The following PLEKHM2 variants were observed in gnomAD, a reference collection of about 807,000 sequenced individuals.
PLEKHM2 encodes pleckstrin homology and RUN domain containing M2.
PLEKHM2 carries 77 observed loss-of-function variants against 116.3 expected under a neutral mutation model. That is an observed-to-expected ratio of 0.66 (90% confidence interval 0.55 to 0.80). PLEKHM2 has a LOEUF of 0.80. PLEKHM2 is among the 30% of genes least tolerant of loss of function. The probability of loss-of-function intolerance (pLI) is 0.00; values close to 1 mark genes in which losing one functional copy is unlikely to be tolerated. For missense variants in PLEKHM2, 1,183 were observed against 1,354.9 expected, an observed-to-expected ratio of 0.87 and a Z score of 1.99; for synonymous variants, 562 against 571.0, an observed-to-expected ratio of 0.98 and a Z score of 0.22.
At chr1:15,708,186 G>A (rs762357684) in intron 1 of PLEKHM2, among the ~76,000 whole-genome samples, 5 of 150,922 alleles carry the variant, frequency 3.3e-5, no homozygotes, top group Non-Finnish European at 7.4e-5. Flanking sequence ...CACCTGGCCA[G>A]TTCTCATGAT....
chr1:15,728,185 C>T lies in PLEKHM2; in HGVS notation c.1830+37C>T. 1 of 1,605,242 alleles carries T rather than the reference C, an allele frequency of 6.2e-7. No homozygotes were observed. The highest frequency in any genetic ancestry group is 1.1e-5 in the South Asian group (1 of 90,506). Reference sequence around the variant, plus strand: ...GAACTCAGGAGTGAGCAAGAGACGGCAAGGGCAAGGCGGGATGGGCCACCG... The same window carrying T: ...GAACTCAGGAGTGAGCAAGAGACGGTAAGGGCAAGGCGGGATGGGCCACCG... On this transcript the variant is annotated intron_variant, in intron 10 of 19. Transcript: ENST00000375799. This position sits in a 1 kb window ranked among gnomAD's most constrained non-coding sequence, Gnocchi z 5.9.
rs888696415 is a variant in PLEKHM2, at chr1:15,728,806, C to T, written c.1986+73C>T. The T allele has an allele frequency of 7.4e-7, 1 of 1,358,600 alleles. No homozygotes were observed. The highest frequency in any genetic ancestry group is 2.0e-5 in the Admixed American group (1 of 50,908). The allele number at this position is 1,358,600 out of a possible 1,614,324, so 84.2% of individuals were successfully genotyped here. A position where few individuals can be genotyped will look rare whatever the true frequency, so the allele number is the denominator to read the frequency against. Reference sequence around the variant, plus strand: ...CTCAAGCCACTTACCCATAGAACTGCAGGGCGAGGCACGGCCCCTTACTCC... The same window carrying T: ...CTCAAGCCACTTACCCATAGAACTGTAGGGCGAGGCACGGCCCCTTACTCC... On this transcript the variant is annotated intron_variant, in intron 12 of 19. Coordinates refer to ENST00000375799, the MANE Select transcript of PLEKHM2 (RefSeq NM_015164.4). The surrounding 1 kb of genome is among the most constrained non-coding windows in gnomAD (Gnocchi z 5.9).
In PLEKHM2 at chr1:15,732,745, GA is replaced by G. The variant is rs1210781513; in HGVS notation, c.2922+20del. On this transcript the variant is annotated intron_variant, in intron 19 of 19. Coordinates refer to ENST00000375799, the MANE Select transcript of PLEKHM2 (RefSeq NM_015164.4). ...ATCTATCAGGTACCCAGCTGCCCAGGAAACCCATTAGCCAGGGACCCTGTGG... is the reference window on the plus strand; with the variant it reads ...ATCTATCAGGTACCCAGCTGCCCAGGAACCCATTAGCCAGGGACCCTGTGG... 6.5e-7 allele frequency: 1 copy of G among 1,544,126 alleles called. No individual in the cohort carries two copies. Among genetic ancestry groups the G allele is most frequent in the East Asian group, 2.3e-5 (1 of 43,572 alleles).
At chr1:15,692,583 C>T (rs1640909804) in intron 1 of PLEKHM2, among the ~76,000 whole-genome samples, 1 of 152,128 alleles carries the variant, frequency 6.6e-6, no homozygotes, top group Non-Finnish European at 1.5e-5. Flanking sequence ...TTTTCTGAGC[C>T]CTGCCCATTC....
chr1:15,687,165 T>TG (rs1444357913), intron 1 of PLEKHM2, among the ~76,000 whole-genome samples: 1 of 151,924 alleles, frequency 6.6e-6, no homozygotes, highest in Non-Finnish European at 1.5e-5. Flanking sequence ...TTTGTTTGTT[T>TG]TTTGTTTTTT....
chr1:15,683,356 C>T (rs1640685496), upstream of PLEKHM2, among the ~76,000 whole-genome samples: 1 of 151,590 alleles, frequency 6.6e-6, no homozygotes, highest in Non-Finnish European at 1.5e-5. Context: ...ATAAGTGGGG[C>T]TTGCAGGCTA....
Position 15,684,510 on chromosome 1 carries a change from GGGC to G in PLEKHM2, c.-37_-35del, listed in dbSNP as rs767880122. The G allele has an allele frequency of 3.0e-3, 2,938 of 976,542 alleles. 5 individuals are homozygous for G. The highest frequency in any genetic ancestry group is 0.013 in the Middle Eastern group (30 of 2,286). The allele number at this position is 976,542 out of a possible 1,614,324, so 60.5% of individuals were successfully genotyped here. On this transcript the variant is annotated 5_prime_UTR_variant, in exon 1 of 20. Coordinates refer to ENST00000375799, the MANE Select transcript of PLEKHM2 (RefSeq NM_015164.4). ...GCCCCCGGCGCGGGAAGCGGCGGCG[GGGC>G]GGCGGCGGCGGTGGCGGTGGCGGTG...
At position 15,729,231 on chromosome 1, in the gene PLEKHM2, C is replaced by T. The variant is rs528294491; in HGVS notation, c.2075+41C>T. 58 of 1,552,554 alleles carry T rather than the reference C, an allele frequency of 3.7e-5. No homozygotes were observed. The highest frequency in any genetic ancestry group is 1.2e-4 in the East Asian group (5 of 42,944). ...GCCCCTCTGGAAGGATTGGAGAGTT[C>T]GCAGCCGCCCATAGGTGTGGGTGGC... On this transcript the variant is annotated intron_variant, in intron 13 of 19. Coordinates refer to ENST00000375799, the MANE Select transcript of PLEKHM2 (RefSeq NM_015164.4). This position sits in a 1 kb window ranked among gnomAD's most constrained non-coding sequence, Gnocchi z 4.7.
At chr1:15,693,486 C>G (rs1640928286) in intron 1 of PLEKHM2, among the ~76,000 whole-genome samples, 1 of 152,228 alleles carries the variant, frequency 6.6e-6, no homozygotes, top group Non-Finnish European at 1.5e-5. Context: ...ATGGTTTGGC[C>G]ATGGCTTAGG....
chr1:15,710,227 CAAAA>C (rs377012331), intron 1 of PLEKHM2, among the ~76,000 whole-genome samples: 1 of 74,144 alleles, frequency 1.3e-5, no homozygotes, highest in Non-Finnish European at 3.1e-5. Flanking sequence ...ACTCCATCTC[CAAAA>C]AAAAAAAAAA....
chr1:15,705,899 T>G (rs2148346421), intron 1 of PLEKHM2, among the ~76,000 whole-genome samples: 1 of 152,180 alleles, frequency 6.6e-6, no homozygotes, highest in African/African-American at 2.4e-5. Context: ...AAGACCAATC[T>G]GGGCAACATG....
At chr1:15,707,287 G>A in intron 1 of PLEKHM2, among the ~76,000 whole-genome samples, 1 of 149,038 alleles carries the variant, frequency 6.7e-6, no homozygotes, top group African/African-American at 2.5e-5. Flanking sequence ...AAAAAAATTA[G>A]CCAGGTGTGG....
chr1:15,703,347 C>CTGT (rs34546528), intron 1 of PLEKHM2, among the ~76,000 whole-genome samples: 55,902 of 151,908 alleles, frequency 0.37, 13,366 homozygotes, highest in African/African-American at 0.68. Flanking sequence ...CCAGCCTCTC[C>CTGT]TGTTGTTGGA....
chr1:15,724,569 G>A (rs557687492), intron 7 of PLEKHM2, among the ~76,000 whole-genome samples: 1 of 152,172 alleles, frequency 6.6e-6, no homozygotes, highest in South Asian at 2.1e-4. Flanking sequence ...TGTAGGGTCA[G>A]GGGTGCTGGG....
chr1:15,683,580 T>C (rs1364888082), upstream of PLEKHM2, among the ~76,000 whole-genome samples: 1 of 134,828 alleles, frequency 7.4e-6, no homozygotes, highest in Non-Finnish European at 1.6e-5. Context: ...TCTCTGGGGT[T>C]TTGTGGGGGG....
At chr1:15,689,830 C>A (rs979730399) in intron 1 of PLEKHM2, among the ~76,000 whole-genome samples, 8 of 152,212 alleles carry the variant, frequency 5.3e-5, no homozygotes, top group African/African-American at 1.9e-4. Flanking sequence ...GATCTCAGCT[C>A]ACTGCAACCT....
chr1:15,725,913 C>G, intron 8 of PLEKHM2: 1 of 263,034 alleles, frequency 3.8e-6, no homozygotes, highest in Non-Finnish European at 7.4e-6. Flanking sequence ...TCTCTAGGGT[C>G]CCTTTTATGA....
chr1:15,693,741 A>G (rs571163814), intron 1 of PLEKHM2, among the ~76,000 whole-genome samples: 38 of 152,356 alleles, frequency 2.5e-4, no homozygotes, highest in African/African-American at 8.7e-4. Flanking sequence ...TTCTGCTGCC[A>G]GCTGACACAA....
At chr1:15,684,700 G>GGACTCGGA in intron 1 of PLEKHM2, 82 bp downstream of exon 1, 1 of 734,544 alleles carries the variant, frequency 1.4e-6, no homozygotes, top group Non-Finnish European at 1.8e-6. Flanking sequence ...CCGGGCCGGG[G>GGACTCGGA]CCCCCCGCCC....
Sources: gnomAD v4.1 joint callset for allele counts (sites outside exome capture counted in the v4.1 genomes callset) on GRCh38, gnomAD v4.1.1 for gene constraint, Gnocchi (gnomAD v3.1) non-coding constraint, MANE v1.5 for transcripts, NCBI Gene and HGNC (gene_info 2026-07-23, HGNC 2026-07-21) for gene names.